RASAL2: variants seen among roughly 807,000 people sequenced by gnomAD.
RASAL2 encodes the protein ras GTPase-activating protein nGAP.
In RASAL2, 58 loss-of-function variants were observed where a neutral mutation model predicts 128.9. That is an observed-to-expected ratio of 0.45 (90% CI 0.36 to 0.56). RASAL2 has a LOEUF of 0.56. RASAL2 is among the 20% of genes least tolerant of loss of function. RASAL2 has a pLI of 0.00. For synonymous variants in RASAL2, 561 were observed against 580.8 expected, an observed-to-expected ratio of 0.97 and a Z score of 0.49; for missense variants, 1,360 against 1,601.6, an observed-to-expected ratio of 0.85 and a Z score of 2.57.
intron 3 of RASAL2, among the ~76,000 whole-genome samples, chr1:178,324,737 C>CTCCAATTCTTATACAAAGATATTCCTG (rs1668954598): frequency 6.6e-6 from 1 of 152,102 alleles, no homozygotes; most frequent in Admixed American, 6.6e-5. Flanking sequence ...GCATATGGCT[C>CTCCAATTCTTATACAAAGATATTCCTG]TCTTTTTAGG....
chr1:178,104,676 T>C (rs565240092), intron 1 of RASAL2, among the ~76,000 whole-genome samples: 27 of 152,244 alleles, frequency 1.8e-4, no homozygotes, highest in Non-Finnish European at 4.0e-4. Flanking sequence ...TTTCAATGTA[T>C]TAAAATCTTT....
chr1:178,438,102 T>TTGTGTGTGTGTGTGTGTGTGTGTG (rs58641965), intron 5 of RASAL2, among the ~76,000 whole-genome samples: 1 of 142,056 alleles, frequency 7.0e-6, no homozygotes. Context: ...AAATGGTGGC[T>TTGTGTGTGTGTGTGTGTGTGTGTG]TGTGTGTGTG....
chr1:178,182,147 G>A (rs943104007), intron 1 of RASAL2, among the ~76,000 whole-genome samples: 1 of 152,036 alleles, frequency 6.6e-6, no homozygotes, highest in Non-Finnish European at 1.5e-5. Flanking sequence ...TAGACTCATG[G>A]ATATTTATTC....
intron 1 of RASAL2, among the ~76,000 whole-genome samples, chr1:178,096,868 A>G (rs1472432683): frequency 6.6e-6 from 1 of 152,168 alleles, no homozygotes; most frequent in Non-Finnish European, 1.5e-5. Flanking sequence ...AATATTTCAG[A>G]ACTATTGGAA....
intron 3 of RASAL2, among the ~76,000 whole-genome samples, chr1:178,326,947 G>A (rs1371491273): frequency 6.6e-6 from 1 of 151,960 alleles, no homozygotes; most frequent in African/African-American, 2.4e-5. Context: ...CGTTCTTTCT[G>A]GAGACAATCA....
At chr1:178,184,074 G>A (rs1436093954) in intron 1 of RASAL2, among the ~76,000 whole-genome samples, 1 of 152,084 alleles carries the variant, frequency 6.6e-6, no homozygotes, top group African/African-American at 2.4e-5. Flanking sequence ...TTTTTTGTAT[G>A]CATATTTGCT....
chr1:178,414,350 G>A (rs1044430953), intron 4 of RASAL2, among the ~76,000 whole-genome samples: 6 of 152,142 alleles, frequency 3.9e-5, no homozygotes, highest in African/African-American at 1.4e-4. Flanking sequence ...ATTTTGAGTA[G>A]TAAATATACT....
chr1:178,390,058 T>G (rs781526075), intron 3 of RASAL2, 42 bp from the exon 4 acceptor site: 6 of 1,321,852 alleles, frequency 4.5e-6, no homozygotes, highest in East Asian at 2.3e-5. Flanking sequence ...ATCCTAAATT[T>G]GGGGTTCTTA....
At chr1:178,357,581 C>A (rs1670877630) in intron 3 of RASAL2, among the ~76,000 whole-genome samples, 1 of 151,646 alleles carries the variant, frequency 6.6e-6, no homozygotes, top group Admixed American at 6.6e-5. Flanking sequence ...CTTACTTTTC[C>A]AAATGAATGG....
intron 5 of RASAL2, among the ~76,000 whole-genome samples, chr1:178,425,285 C>A (rs1675446123): frequency 6.6e-6 from 1 of 151,950 alleles, no homozygotes; most frequent in African/African-American, 2.4e-5. Flanking sequence ...TGAAAAGGGG[C>A]AAGGTAGGAA....
At chr1:178,237,437 G>T (rs545033640) in intron 1 of RASAL2, among the ~76,000 whole-genome samples, 3 of 152,240 alleles carry the variant, frequency 2.0e-5, no homozygotes, top group African/African-American at 7.2e-5. Context: ...CACAGGCTAG[G>T]GATATAGTGG....
At chr1:178,216,859 C>A (rs1663437588) in intron 1 of RASAL2, among the ~76,000 whole-genome samples, 1 of 152,112 alleles carries the variant, frequency 6.6e-6, no homozygotes, top group South Asian at 2.1e-4. Context: ...AGATAGTGTT[C>A]AAAGGTTGAA....
chr1:178,451,419 A>G lies in RASAL2; in HGVS notation c.1628-152A>G, dbSNP rs139122350. The G allele has an allele frequency of 9.9e-5, 71 of 718,738 alleles. No individual in the cohort carries two copies. In the East Asian group the frequency reaches 1.5e-3, roughly 15 times the overall value. The allele number at this position is 718,738 out of a possible 1,614,324, so 44.5% of individuals were successfully genotyped here. On this transcript the variant is annotated intron_variant, in intron 9 of 17. Coordinates refer to ENST00000367649, the MANE Select transcript of RASAL2 (RefSeq NM_170692.4). ...GTGGCAACTCTTGGGTTCCAAAGCA[A>G]TGAGGCTTCATGGGCCATCTTTTGT...
intron 1 of RASAL2, among the ~76,000 whole-genome samples, chr1:178,116,624 T>A (rs1054975428): frequency 2.6e-5 from 4 of 152,128 alleles, no homozygotes; most frequent in Admixed American, 6.5e-5. Context: ...ATTTTATTTT[T>A]TTTGAGACGG....
intron 3 of RASAL2, among the ~76,000 whole-genome samples, chr1:178,370,780 G>A (rs1022737725): frequency 1.3e-5 from 2 of 152,000 alleles, no homozygotes; most frequent in African/African-American, 4.8e-5. Flanking sequence ...TATAAAACAA[G>A]GTCCATGTCC....
At chr1:178,463,551 A>G (rs1244337299) in intron 14 of RASAL2, among the ~76,000 whole-genome samples, 1 of 152,270 alleles carries the variant, frequency 6.6e-6, no homozygotes, top group East Asian at 1.9e-4. Flanking sequence ...ACTACCCAGT[A>G]TCCATCATTT....
chr1:178,094,189 T>G lies in RASAL2; in HGVS notation c.-304T>G. The G allele has an allele frequency of 5.1e-6, 2 of 389,982 alleles. No individual in the cohort carries two copies. The highest frequency in any genetic ancestry group is 9.1e-6 in the Non-Finnish European group (2 of 218,640). 24.2% of individuals were successfully genotyped at this position (389,982 alleles called of 1,614,324 possible). A position where few individuals can be genotyped will look rare whatever the true frequency, so the allele number is the denominator to read the frequency against. On this transcript the variant is annotated 5_prime_UTR_variant, in exon 1 of 18. Coordinates refer to ENST00000367649, the MANE Select transcript of RASAL2 (RefSeq NM_170692.4). The stretch of plus-strand genomic sequence containing the variant: ...GGGAGGGCGAGCCTCCCCTCCCGGG[T>G]TCTTCTGCGTCCTCTCCCGGGAGGG...
chr1:178,182,355 A>G (rs1205909444), intron 1 of RASAL2, among the ~76,000 whole-genome samples: 1 of 152,106 alleles, frequency 6.6e-6, no homozygotes, highest in South Asian at 2.1e-4. Flanking sequence ...GTAATGAGCC[A>G]TTTCTCCAAA....
rs777509735 is a variant in RASAL2 at position 178,451,657 on chromosome 1, C to G, written c.1714C>G (p.Gln572Glu). The change falls in exon 10 of 18, where the codon CAG (glutamine) becomes GAG (glutamate). Residue 572 changes from glutamine (Q) to glutamate (E), a missense_variant. Coordinates refer to ENST00000367649, the MANE Select transcript of RASAL2 (RefSeq NM_170692.4). ...TTCATCTAGTGAACTGATAGACCATCAGAGCAACCTGAAAATGTGCTGTGA... is the reference window on the plus strand; with the variant it reads ...TTCATCTAGTGAACTGATAGACCATGAGAGCAACCTGAAAATGTGCTGTGA... ...KCSSSELIDH[Q>E]SNLKMCCELA... 5.0e-6 allele frequency: 8 copies of G among 1,613,860 alleles called. No homozygotes were observed. In the Admixed American group the frequency reaches 6.7e-5, roughly 13 times the overall value.
Sources: gnomAD v4.1 joint callset for allele counts (sites outside exome capture counted in the v4.1 genomes callset) on GRCh38, gnomAD v4.1.1 for gene constraint, MANE v1.5 for transcripts, NCBI Gene and HGNC (gene_info 2026-07-23, HGNC 2026-07-21) for gene names.